RBFOX1: variants seen among roughly 807,000 people sequenced by gnomAD.
The protein encoded by RBFOX1 is RNA binding fox-1 homolog 1.
In RBFOX1, 8 loss-of-function variants were observed where a neutral mutation model predicts 57.7. The observed-to-expected ratio is 0.14, with a 90% CI of 0.08 to 0.25. RBFOX1 has a LOEUF of 0.25. RBFOX1 is among the 10% of genes least tolerant of loss of function. The pLI, the probability that RBFOX1 is intolerant of heterozygous loss-of-function variation, is 1.00. For synonymous variants in RBFOX1, 326 were observed against 222.4 expected (o/e 1.47, Z -4.15); for missense variants, 611 against 548.5 (o/e 1.11, Z -1.14).
chr16:7,568,297 C>T (rs2092350127), intron 5 of RBFOX1, among the ~76,000 whole-genome samples: 1 of 152,152 alleles, frequency 6.6e-6, no homozygotes, highest in Non-Finnish European at 1.5e-5. Context: ...CATGAGTTTT[C>T]TGGGAAAGGG....
intron 3 of RBFOX1, among the ~76,000 whole-genome samples, chr16:6,860,798 G>A (rs983951140): frequency 6.6e-6 from 1 of 152,090 alleles, no homozygotes; most frequent in Non-Finnish European, 1.5e-5. Context: ...TGCAGCAGGA[G>A]ACATACAGTA....
intron 3 of RBFOX1, among the ~76,000 whole-genome samples, chr16:5,722,286 T>C (rs2051964818): frequency 6.6e-6 from 1 of 152,246 alleles, no homozygotes; most frequent in Non-Finnish European, 1.5e-5. Flanking sequence ...GTATCTAATC[T>C]CTTACAAACC....
chr16:5,944,790 T>TAAA (rs60749168), intron 4 of RBFOX1, among the ~76,000 whole-genome samples: 3,458 of 41,244 alleles, frequency 0.084, 999 homozygotes, highest in African/African-American at 0.34. Flanking sequence ...CTGTCTCTGC[T>TAAA]AAAAAAAAAA....
intron 2 of RBFOX1, among the ~76,000 whole-genome samples, chr16:6,621,256 T>C (rs1164261510): frequency 6.6e-6 from 1 of 152,056 alleles, no homozygotes; most frequent in East Asian, 1.9e-4. Context: ...GGTCAGGAGA[T>C]GGAGAGTATC....
intron 1 of RBFOX1, among the ~76,000 whole-genome samples, chr16:6,164,384 C>T (rs184419486): frequency 2.6e-5 from 4 of 152,002 alleles, no homozygotes; most frequent in Admixed American, 2.6e-4. Flanking sequence ...TATTTGTATC[C>T]TGAGGAATCT....
At chr16:7,522,543 G>A (rs998793227) in intron 5 of RBFOX1, among the ~76,000 whole-genome samples, 4 of 152,202 alleles carry the variant, frequency 2.6e-5, no homozygotes, top group Admixed American at 6.5e-5. Flanking sequence ...GTGATATGTT[G>A]GAGTGGGTGG....
At chr16:7,446,550 C>A (rs1346170480) in intron 4 of RBFOX1, among the ~76,000 whole-genome samples, 2 of 152,114 alleles carry the variant, frequency 1.3e-5, no homozygotes, top group Non-Finnish European at 2.9e-5. Context: ...TGCATTTCTA[C>A]CATACACTAA....
chr16:6,847,444 C>A (rs2093816484), intron 3 of RBFOX1, among the ~76,000 whole-genome samples: 1 of 152,046 alleles, frequency 6.6e-6, no homozygotes, highest in South Asian at 2.1e-4. Context: ...CTGTCATCAT[C>A]TTCACAGCAA....
intron 3 of RBFOX1, among the ~76,000 whole-genome samples, chr16:5,786,170 C>G (rs903929609): frequency 6.6e-6 from 1 of 152,206 alleles, no homozygotes; most frequent in African/African-American, 2.4e-5. Flanking sequence ...ACACCTGCCT[C>G]CACTGTGTTC....
intron 3 of RBFOX1, among the ~76,000 whole-genome samples, chr16:6,897,648 C>G (rs7192875): frequency 0.21 from 32,539 of 151,972 alleles, 4,370 homozygotes; most frequent in Admixed American, 0.36. Flanking sequence ...AAAAAATTAG[C>G]TGGGCTTGGT....
At chr16:6,738,559 T>C (rs2071110157) in intron 3 of RBFOX1, among the ~76,000 whole-genome samples, 1 of 152,110 alleles carries the variant, frequency 6.6e-6, no homozygotes, top group African/African-American at 2.4e-5. Flanking sequence ...TCAACATCCA[T>C]CTCGCAACAA....
intron 1 of RBFOX1, among the ~76,000 whole-genome samples, chr16:6,029,547 G>A (rs1207372012): frequency 6.6e-6 from 1 of 152,154 alleles, no homozygotes; most frequent in Non-Finnish European, 1.5e-5. Context: ...GCTGAGGCGG[G>A]TGGATCACGA....
At chr16:5,928,135 C>T (rs547625161) in intron 4 of RBFOX1, among the ~76,000 whole-genome samples, 1 of 151,514 alleles carries the variant, frequency 6.6e-6, no homozygotes, top group South Asian at 2.1e-4. Context: ...GCTCTGTCAC[C>T]CAGGCTGGAG....
intron 3 of RBFOX1, among the ~76,000 whole-genome samples, chr16:5,724,071 C>G (rs993744173): frequency 6.6e-6 from 1 of 152,154 alleles, no homozygotes; most frequent in East Asian, 1.9e-4. Flanking sequence ...GCAGACTGCT[C>G]ACCACTTGAA....
chr16:6,957,116 T>TTTTTTTTATTTA lies in RBFOX1; in HGVS notation c.-15-94938_-15-94937insTTTTATTTATTT, dbSNP rs574831673. Among the ~76,000 whole-genome samples the TTTTTTTTATTTA allele has an allele frequency of 7.0e-4, 97 of 139,246 alleles. 2 individuals carry two copies. The South Asian group carries it at 9.0e-3, about 13-fold the overall frequency. The allele number at this position is 139,246 out of a possible 152,430, so 91.4% of individuals were successfully genotyped here. A position where few individuals can be genotyped will look rare whatever the true frequency, so the allele number is the denominator to read the frequency against. Reference sequence around the variant, plus strand: ...ATTTATTTTATTTTTTTATTTTTATTTTTATTTATTTATTTATTTATTTAT... The same window carrying TTTTTTTTATTTA: ...ATTTATTTTATTTTTTTATTTTTATTTTTTTTTATTTATTTATTTATTTATTTATTTATTTAT... On this transcript the variant is annotated intron_variant, in intron 3 of 15. Transcript: ENST00000550418.
chr16:5,578,946 C>G (rs11643789), intron 2 of RBFOX1, among the ~76,000 whole-genome samples: 1 of 146,314 alleles, frequency 6.8e-6, no homozygotes, highest in Non-Finnish European at 1.5e-5. Flanking sequence ...CTCCTGGGTT[C>G]TAGTGATTCT....
intron 5 of RBFOX1, among the ~76,000 whole-genome samples, chr16:7,527,568 G>A (rs1347636178): frequency 6.6e-6 from 1 of 152,156 alleles, no homozygotes; most frequent in Non-Finnish European, 1.5e-5. Context: ...ATTATCGGGA[G>A]AAGCAGAGTA....
intron 1 of RBFOX1, among the ~76,000 whole-genome samples, chr16:6,164,046 C>G (rs571093415): frequency 6.6e-6 from 1 of 152,150 alleles, no homozygotes; most frequent in East Asian, 1.9e-4. Context: ...TCTTATTTAA[C>G]AAAAATTGCT....
chr16:5,504,337 G>A (rs2043303819), intron 2 of RBFOX1, among the ~76,000 whole-genome samples: 1 of 152,224 alleles, frequency 6.6e-6, no homozygotes, highest in Admixed American at 6.5e-5. Flanking sequence ...CTGGGCCTCG[G>A]ACTTGGCTCT....
Sources: gnomAD v4.1 joint callset for allele counts (sites outside exome capture counted in the v4.1 genomes callset) on GRCh38, gnomAD v4.1.1 for gene constraint, MANE v1.5 for transcripts, NCBI Gene and HGNC (gene_info 2026-07-23, HGNC 2026-07-21) for gene names.